CFAP210: variants seen among roughly 807,000 people sequenced by gnomAD.
The protein encoded by CFAP210 is cilia and flagella associated protein 210.
the CFAP210 span, among the ~76,000 whole-genome samples, chr2:169,666,935 T>C: frequency 2.0e-5 from 3 of 152,192 alleles, no homozygotes; most frequent in Non-Finnish European, 4.4e-5. Flanking sequence ...TCAAGTTTTA[T>C]CATGAGATTG....
chr2:169,668,317 A>G, the CFAP210 span, among the ~76,000 whole-genome samples: 2 of 152,212 alleles, frequency 1.3e-5, 1 homozygote, highest in South Asian at 4.1e-4. Flanking sequence ...GCTTAAGGGA[A>G]TGTCAGGGCT....
the CFAP210 span, among the ~76,000 whole-genome samples, chr2:169,684,331 TA>T: frequency 1.3e-5 from 2 of 152,316 alleles, no homozygotes; most frequent in South Asian, 4.1e-4. Context: ...ATAATACACA[TA>T]AAAATCCGCC....
At chr2:169,656,497 C>CGGG in the CFAP210 span, among the ~76,000 whole-genome samples, 2 of 124,924 alleles carry the variant, frequency 1.6e-5, no homozygotes, top group Non-Finnish European at 3.6e-5. Context: ...GAAGGAGGTG[C>CGGG]GGGAGGAGGA....
chr2:169,653,048 ATATATATATATATATATATG>A, the CFAP210 span, among the ~76,000 whole-genome samples: 1 of 92,956 alleles, frequency 1.1e-5, no homozygotes, highest in East Asian at 3.4e-4. Flanking sequence ...ATATATATAT[ATATATATATATATATATATG>A]TATGTGTGTA....
At chr2:169,650,190 A>G in the CFAP210 span, 2 of 910,402 alleles carry the variant, frequency 2.2e-6, no homozygotes, top group African/African-American at 3.5e-5. Context: ...TCCAATTTCA[A>G]AAATACAGGA....
the CFAP210 span, among the ~76,000 whole-genome samples, chr2:169,652,409 A>G: frequency 2.0e-5 from 3 of 152,216 alleles, no homozygotes; most frequent in Admixed American, 2.0e-4. Context: ...TCCTGACACT[A>G]TTCCCGGTGC....
At chr2:169,665,853 A>G in the CFAP210 span, among the ~76,000 whole-genome samples, 1 of 152,140 alleles carries the variant, frequency 6.6e-6, no homozygotes, top group East Asian at 1.9e-4. Context: ...GCTTATCTGC[A>G]TCTTCTTTTG....
chr2:169,652,559 G>A, the CFAP210 span, among the ~76,000 whole-genome samples: 14 of 152,072 alleles, frequency 9.2e-5, no homozygotes, highest in African/African-American at 2.9e-4. Flanking sequence ...CTGTGATCAC[G>A]CCTGTGAATG....
the CFAP210 span, among the ~76,000 whole-genome samples, chr2:169,661,839 G>A: frequency 6.6e-6 from 1 of 152,006 alleles, no homozygotes; most frequent in African/African-American, 2.4e-5. Flanking sequence ...GCATTTGCAG[G>A]CACAGAAAGA....
the CFAP210 span, chr2:169,649,217 GTTCT>G: frequency 4.1e-5 from 66 of 1,613,060 alleles, no homozygotes; most frequent in Non-Finnish European, 5.3e-5. Flanking sequence ...ACCTCTTGAT[GTTCT>G]TTATCAGCTT....
the CFAP210 span, among the ~76,000 whole-genome samples, chr2:169,650,151 G>A: frequency 2.6e-5 from 4 of 152,122 alleles, no homozygotes; most frequent in Admixed American, 6.5e-5. Context: ...TGTAACTGTC[G>A]TGTCATCTTT....
At chr2:169,688,448 A>G in the CFAP210 span, among the ~76,000 whole-genome samples, 1 of 151,822 alleles carries the variant, frequency 6.6e-6, no homozygotes, top group African/African-American at 2.4e-5. Context: ...TCAGGCTACA[A>G]ATTTTCTGAA....
the CFAP210 span, among the ~76,000 whole-genome samples, chr2:169,683,465 CA>C: frequency 1.3e-5 from 2 of 152,314 alleles, no homozygotes; most frequent in African/African-American, 4.8e-5. Flanking sequence ...TTGTTACCTG[CA>C]ATCAGAAGCT....
chr2:169,687,287 C>T, the CFAP210 span, among the ~76,000 whole-genome samples: 2 of 152,126 alleles, frequency 1.3e-5, no homozygotes, highest in Non-Finnish European at 2.9e-5. Context: ...CAACAGTCCC[C>T]CAAAGTCTTA....
the CFAP210 span, chr2:169,674,777 A>G: frequency 6.5e-7 from 1 of 1,545,038 alleles, no homozygotes; most frequent in South Asian, 1.2e-5. Context: ...CGACTACAAA[A>G]GAAAAATTAT....
the CFAP210 span, chr2:169,662,555 T>C: frequency 2.3e-6 from 2 of 862,916 alleles, no homozygotes; most frequent in Non-Finnish European, 3.4e-6. Context: ...TCTGTGAATT[T>C]CTTTGGGGGA....
chr2:169,657,713 G>A, the CFAP210 span, among the ~76,000 whole-genome samples: 36,662 of 151,538 alleles, frequency 0.24, 4,638 homozygotes, highest in Non-Finnish European at 0.27. Flanking sequence ...GGGTGAAACT[G>A]TCTCAAAACA....
chr2:169,683,703 C>T, the CFAP210 span, among the ~76,000 whole-genome samples: 688 of 152,292 alleles, frequency 4.5e-3, 8 homozygotes, highest in African/African-American at 0.016. Context: ...TGTTAGAAAG[C>T]TATGCAGTGC....
the CFAP210 span, chr2:169,645,947 C>T: frequency 6.2e-7 from 1 of 1,613,942 alleles, no homozygotes; most frequent in South Asian, 1.1e-5. Context: ...TGCCTGATAG[C>T]TGGGTCTTAA....
Sources: allele counts gnomAD v4.1 joint callset (sites outside exome capture counted in the v4.1 genomes callset), GRCh38; gene constraint gnomAD v4.1.1; transcripts MANE v1.5; gene names NCBI Gene and HGNC (gene_info 2026-07-23, HGNC 2026-07-21).